The following ANKRD31 variants were observed in gnomAD, a reference collection of about 807,000 sequenced individuals.
ANKRD31 encodes the protein ankyrin repeat domain 31.
In ANKRD31, 147 loss-of-function variants were observed where a neutral mutation model predicts 186.0. The observed-to-expected ratio is 0.79, with a 90% confidence interval of 0.69 to 0.91. The LOEUF (loss-of-function observed/expected upper bound fraction) is 0.91, where lower values mean the gene tolerates loss of function less well. Ranked by LOEUF, ANKRD31 falls within the 40% of genes least tolerant of loss-of-function variation. The pLI, the probability that ANKRD31 is intolerant of heterozygous loss-of-function variation, is 0.00. For synonymous variants in ANKRD31, 673 were observed against 736.4 expected (o/e 0.91, Z 1.39); for missense variants, 1,986 against 2,148.8 (o/e 0.92, Z 1.50).
chr5:75,193,369 G>A lies in ANKRD31; in HGVS notation c.1240C>T (p.Pro414Ser), dbSNP rs764661886. 81 of 1,536,728 alleles carry A rather than the reference G, an allele frequency of 5.3e-5. No homozygotes were observed. The highest frequency in any genetic ancestry group is 7.0e-5 in the Non-Finnish European group (80 of 1,146,700). Residue 414 changes from proline (P) to serine (S), a missense_variant, in exon 8 of 26, where the codon CCA becomes TCA. Coordinates refer to ENST00000506364, the MANE Select transcript of ANKRD31 (RefSeq NM_001372053.1). ...HMYKMPEKIL[P>S]KILGCEDLTN... ...AGGTCCTCACAGCCAAGGATTTTTG[G>A]TAAAATCTTTTCTGGCATCTTATAC...
chr5:75,128,718 G>C (rs1344966188), intron 17 of ANKRD31, among the ~76,000 whole-genome samples: 1 of 148,832 alleles, frequency 6.7e-6, no homozygotes, highest in African/African-American at 2.5e-5. Context: ...GTTTCACTGT[G>C]TTAGCCAGGA....
intron 2 of ANKRD31, among the ~76,000 whole-genome samples, chr5:75,229,949 G>A (rs1310627392): frequency 6.7e-6 from 1 of 149,790 alleles, no homozygotes; most frequent in Non-Finnish European, 1.5e-5. Context: ...TTCTCCCCAT[G>A]TTTGCATGGG....
rs564372458 is a variant in ANKRD31 at position 75,207,677 on chromosome 5, C to T, written c.327-1190G>A. On this transcript the variant is annotated intron_variant, in intron 4 of 25. Transcript: ENST00000506364. ...GATACAAAACTATCTGCAAGATGAT[C>T]CCAATTTTGTAGAAAGTATGAACAA... is the stretch of plus-strand genomic sequence containing the variant. Among the ~76,000 whole-genome samples the T allele has an allele frequency of 6.6e-5, 10 of 152,054 alleles. 1 individual carries two copies. In the South Asian group the frequency reaches 1.7e-3, roughly 25 times the overall value.
At chr5:75,116,823 T>A (rs1580357313) in intron 18 of ANKRD31, 142 bp from the exon 19 acceptor site, 1 of 436,552 alleles carries the variant, frequency 2.3e-6, no homozygotes, top group East Asian at 3.6e-5. Context: ...TCATCGTCAT[T>A]AATTGGCTAC....
At chr5:75,069,726 A>G (rs1744066384) in intron 25 of ANKRD31, among the ~76,000 whole-genome samples, 1 of 151,916 alleles carries the variant, frequency 6.6e-6, no homozygotes, top group Non-Finnish European at 1.5e-5. Flanking sequence ...TTGTATCTTT[A>G]GTAGAGATGG....
At chr5:75,141,100 T>G (rs977578013) in intron 15 of ANKRD31, among the ~76,000 whole-genome samples, 1 of 152,214 alleles carries the variant, frequency 6.6e-6, no homozygotes, top group South Asian at 2.1e-4. Context: ...ATCACTGCAT[T>G]AAACTTTGGG....
intron 12 of ANKRD31, among the ~76,000 whole-genome samples, chr5:75,153,226 T>C (rs1318645831): frequency 6.6e-6 from 1 of 152,110 alleles, no homozygotes; most frequent in African/African-American, 2.4e-5. Context: ...CCTGTCCTAG[T>C]TGCAACTTGA....
chr5:75,100,680 G>C (rs556221399), intron 22 of ANKRD31, among the ~76,000 whole-genome samples: 1 of 152,020 alleles, frequency 6.6e-6, no homozygotes, highest in Non-Finnish European at 1.5e-5. Flanking sequence ...TTACGTAATG[G>C]CCTTCTTTGT....
At chr5:75,107,808 T>C (rs1431741369) in intron 20 of ANKRD31, among the ~76,000 whole-genome samples, 191 bp from the exon 21 acceptor site, 1 of 152,012 alleles carries the variant, frequency 6.6e-6, no homozygotes, top group Non-Finnish European at 1.5e-5. Context: ...CTGAAGTGTA[T>C]AGATAAGAAT....
At chr5:75,192,813 GTTTTTGCAAACATTCACAGAGAAT>G in intron 8 of ANKRD31, 37 bp from the exon 9 acceptor site, 1 of 1,419,860 alleles carries the variant, frequency 7.0e-7, no homozygotes, top group Non-Finnish European at 9.5e-7. Context: ...GGCTATAACG[GTTTTTGCAAACATTCACAGAGAAT>G]TATACCAATT....
intron 20 of ANKRD31, among the ~76,000 whole-genome samples, chr5:75,110,344 A>T (rs1747671213): frequency 6.6e-6 from 1 of 152,152 alleles, no homozygotes; most frequent in Non-Finnish European, 1.5e-5. Flanking sequence ...TAACTGTATT[A>T]CATAAATAGG....
intron 22 of ANKRD31, among the ~76,000 whole-genome samples, chr5:75,093,625 G>A (rs1746106569): frequency 6.6e-6 from 1 of 152,116 alleles, no homozygotes; most frequent in African/African-American, 2.4e-5. Context: ...CATAAGACAA[G>A]GAGAAAATAT....
chr5:75,218,087 C>T (rs1227165153), intron 3 of ANKRD31, among the ~76,000 whole-genome samples: 1 of 151,930 alleles, frequency 6.6e-6, no homozygotes, highest in Non-Finnish European at 1.5e-5. Flanking sequence ...AAGAAATATC[C>T]AAAAATCAGA....
intron 12 of ANKRD31, among the ~76,000 whole-genome samples, chr5:75,152,781 G>A (rs1478045202): frequency 6.6e-6 from 1 of 151,998 alleles, no homozygotes; most frequent in Admixed American, 6.6e-5. Context: ...ACTGTCTAAT[G>A]TGTTAGGTAA....
chr5:75,081,433 T>G (rs2150013723), intron 24 of ANKRD31, among the ~76,000 whole-genome samples: 1 of 152,200 alleles, frequency 6.6e-6, no homozygotes, highest in East Asian at 1.9e-4. Context: ...GCAACAGAAA[T>G]AGCAGTTCAG....
intron 7 of ANKRD31, 61 bp downstream of exon 7, chr5:75,195,570 G>GCATCTTGGAC: frequency 7.4e-7 from 1 of 1,352,790 alleles, no homozygotes; most frequent in African/African-American, 1.5e-5. Context: ...TTGTCCTATA[G>GCATCTTGGAC]CTCAGCTAAC....
chr5:75,161,982 T>C (rs1561490790), intron 11 of ANKRD31, among the ~76,000 whole-genome samples: 1 of 152,212 alleles, frequency 6.6e-6, no homozygotes, highest in East Asian at 1.9e-4. Context: ...GGCAGGGCCC[T>C]CATGGAGAAC....
At position 75,102,472 on chromosome 5, in the gene ANKRD31, C is replaced by T. The variant is rs184827384; in HGVS notation, c.5331+1756G>A. On this transcript the variant is annotated intron_variant, in intron 22 of 25. Transcript: ENST00000506364. ...TCTCTTCAAAGCTGTCAGACAGGGA[C>T]GTTTAAGTCTGCAGAAGTTTCTGCT... Among the ~76,000 whole-genome samples, 63 of 152,322 alleles carry T rather than the reference C, an allele frequency of 4.1e-4. No individual in the cohort carries two copies. In the East Asian group the frequency reaches 0.01, roughly 24 times the overall value.
intron 25 of ANKRD31, among the ~76,000 whole-genome samples, chr5:75,071,364 T>A (rs1019957394): frequency 4.6e-5 from 7 of 150,574 alleles, no homozygotes; most frequent in African/African-American, 1.7e-4. Context: ...CACATTGAAA[T>A]GACTGCTGGA....
Sources: allele counts gnomAD v4.1 joint callset (sites outside exome capture counted in the v4.1 genomes callset), GRCh38; gene constraint gnomAD v4.1.1; transcripts MANE v1.5; gene names NCBI Gene and HGNC (gene_info 2026-07-23, HGNC 2026-07-21).